RHOU: variants seen among roughly 807,000 people sequenced by gnomAD.
The protein encoded by RHOU is ras homolog family member U, also known as rho-related GTP-binding protein RhoU.
RHOU carries 8 observed loss-of-function variants against 12.6 expected under a neutral mutation model. The observed-to-expected ratio is 0.64, with a 90% confidence interval of 0.37 to 1.15. RHOU has a LOEUF of 1.15. Among genes scored for constraint, RHOU ranks in the 50% most tolerant of loss-of-function variants. The probability of loss-of-function intolerance (pLI) is 0.01; values close to 1 mark genes in which losing one functional copy is unlikely to be tolerated. For synonymous variants in RHOU, 161 were observed against 147.4 expected, an observed-to-expected ratio of 1.09 and a Z score of -0.67; for missense variants, 258 against 347.0, an observed-to-expected ratio of 0.74 and a Z score of 2.04.
the RHOU span, among the ~76,000 whole-genome samples, chr1:228,707,115 T>TATATATATATAC: frequency 1.1e-5 from 1 of 92,338 alleles, no homozygotes; most frequent in Non-Finnish European, 1.8e-5. Context: ...CATATATATA[T>TATATATATATAC]ATATATATAT....
the RHOU span, among the ~76,000 whole-genome samples, chr1:228,698,665 A>G: frequency 2.6e-5 from 4 of 152,246 alleles, no homozygotes; most frequent in Non-Finnish European, 5.9e-5. Context: ...GCCCATCCAG[A>G]AGAGTGAAGG....
the RHOU span, among the ~76,000 whole-genome samples, chr1:228,684,240 A>G: frequency 6.6e-6 from 1 of 151,966 alleles, no homozygotes; most frequent in African/African-American, 2.4e-5. Flanking sequence ...TTTCACCCTG[A>G]TGGCCAGGCT....
In RHOU at chr1:228,743,516, GA is replaced by G; in HGVS notation, c.555del (p.Glu186ArgfsTer21). ...CAAATGCAAAGAAAAGCCAGTGCCT[GA>G]AGAGGCGGCTAAGCTGTGCGCCGAG... ...LDKCKEKPVP[E>X]EAAKLCAEEI... On this transcript the variant is annotated frameshift_variant, in exon 3 of 3. Coordinates refer to ENST00000366691, the MANE Select transcript of RHOU (RefSeq NM_021205.6). LOFTEE classifies it high-confidence loss of function. The surrounding 1 kb of genome is among the most constrained non-coding windows in gnomAD (Gnocchi z 5.1). 2 of 1,614,188 alleles carry G rather than the reference GA, an allele frequency of 1.2e-6. No individual in the cohort carries two copies. The highest frequency in any genetic ancestry group is 1.7e-6 in the Non-Finnish European group (2 of 1,180,030).
chr1:228,697,227 A>C, the RHOU span, among the ~76,000 whole-genome samples: 2 of 152,228 alleles, frequency 1.3e-5, no homozygotes, highest in Non-Finnish European at 2.9e-5. Flanking sequence ...CAAAACTTTC[A>C]TATTTACTTT....
the RHOU span, among the ~76,000 whole-genome samples, chr1:228,711,213 C>T: frequency 2.0e-5 from 3 of 151,676 alleles, no homozygotes; most frequent in Non-Finnish European, 2.9e-5. Flanking sequence ...GAATCAATAT[C>T]GTGAAAATGG....
At chr1:228,704,175 C>G in the RHOU span, among the ~76,000 whole-genome samples, 4 of 152,284 alleles carry the variant, frequency 2.6e-5, no homozygotes, top group South Asian at 8.3e-4. Flanking sequence ...GAAGCCCCCA[C>G]CTCAAGTTGT....
At chr1:228,696,793 C>T in the RHOU span, among the ~76,000 whole-genome samples, 14,711 of 152,160 alleles carry the variant, frequency 0.097, 750 homozygotes, top group Middle Eastern at 0.15. Flanking sequence ...GCGATCCACC[C>T]GCCTCGACCT....
the RHOU span, among the ~76,000 whole-genome samples, chr1:228,691,964 C>A: frequency 6.6e-6 from 1 of 152,168 alleles, no homozygotes; most frequent in Non-Finnish European, 1.5e-5. Context: ...CTTAGAGTAT[C>A]CATTAAGTAC....
At chr1:228,711,444 C>T in the RHOU span, among the ~76,000 whole-genome samples, 20 of 152,256 alleles carry the variant, frequency 1.3e-4, no homozygotes, top group East Asian at 2.3e-3. Context: ...AAGCATGGTA[C>T]TGGTACCAAA....
At chr1:228,657,499 C>T in the RHOU span, among the ~76,000 whole-genome samples, 28,564 of 151,870 alleles carry the variant, frequency 0.19, 2,909 homozygotes, top group East Asian at 0.35. Flanking sequence ...TAAACATTTA[C>T]GCACCTAGTA....
At chr1:228,673,087 T>C in the RHOU span, among the ~76,000 whole-genome samples, 1 of 152,144 alleles carries the variant, frequency 6.6e-6, no homozygotes, top group Non-Finnish European at 1.5e-5. Flanking sequence ...CAAATGCAAA[T>C]GTTTTAAGCA....
At chr1:228,689,010 A>G in the RHOU span, among the ~76,000 whole-genome samples, 1 of 152,290 alleles carries the variant, frequency 6.6e-6, no homozygotes, top group Non-Finnish European at 1.5e-5. Context: ...AATGGACAGT[A>G]ATTTTAAAGT....
At chr1:228,657,873 A>G in the RHOU span, among the ~76,000 whole-genome samples, 2 of 152,316 alleles carry the variant, frequency 1.3e-5, no homozygotes, top group East Asian at 3.9e-4. Context: ...TAATAGAAGT[A>G]AAACTGATAA....
In RHOU at chr1:228,743,522, G is replaced by A; in HGVS notation, c.559G>A (p.Ala187Thr). ...CAAAGAAAAGCCAGTGCCTGAAGAG[G>A]CGGCTAAGCTGTGCGCCGAGGAAAT... ...KCKEKPVPEE[A>T]AKLCAEEIKA... Residue 187 changes from alanine (A) to threonine (T), a missense_variant, in exon 3 of 3, where the codon GCG becomes ACG. Ala to Thr is a moderately conservative substitution (Grantham distance 58). Transcript: ENST00000366691. This position sits in a 1 kb window ranked among gnomAD's most constrained non-coding sequence, Gnocchi z 5.1. The A allele has an allele frequency of 6.2e-7, 1 of 1,614,192 alleles. No individual in the cohort carries two copies. The highest frequency in any genetic ancestry group is 8.5e-7 in the Non-Finnish European group (1 of 1,180,042).
rs1467372817 is a variant in RHOU at position 228,738,517 on chromosome 1, A to G, written c.321+786A>G. On this transcript the variant is annotated intron_variant, in intron 2 of 2. Coordinates refer to ENST00000366691, the MANE Select transcript of RHOU (RefSeq NM_021205.6). The surrounding 1 kb of genome is among the most constrained non-coding windows in gnomAD (Gnocchi z 4.2). ...CTCTAGTATGTTCTAGAGTTCAGCAAAGTTCCGGGGGTACTTTGTAGGCAG... is the reference window on the plus strand; with the variant it reads ...CTCTAGTATGTTCTAGAGTTCAGCAGAGTTCCGGGGGTACTTTGTAGGCAG... Among the ~76,000 whole-genome samples, 1 of 152,140 alleles carries G rather than the reference A, an allele frequency of 6.6e-6. No homozygotes were observed. The highest frequency in any genetic ancestry group is 2.4e-5 in the African/African-American group (1 of 41,420).
At chr1:228,711,003 C>T in the RHOU span, among the ~76,000 whole-genome samples, 1 of 152,164 alleles carries the variant, frequency 6.6e-6, no homozygotes, top group East Asian at 1.9e-4. Flanking sequence ...CACAAGCATT[C>T]TTATACACCA....
chr1:228,696,111 GA>G, the RHOU span, among the ~76,000 whole-genome samples: 1 of 152,078 alleles, frequency 6.6e-6, no homozygotes, highest in East Asian at 1.9e-4. Context: ...AGAGAGTAAA[GA>G]AAGCCTGTTT....
the RHOU span, among the ~76,000 whole-genome samples, chr1:228,663,886 G>GCC: frequency 6.6e-6 from 1 of 151,090 alleles, no homozygotes; most frequent in African/African-American, 2.4e-5. Flanking sequence ...ACCCGCCTTG[G>GCC]CCTCTCAAAG....
At chr1:228,650,888 C>T in the RHOU span, 2 of 387,994 alleles carry the variant, frequency 5.2e-6, no homozygotes, top group Non-Finnish European at 1.0e-5. Flanking sequence ...CCTGCAAGAC[C>T]CACCTACATA....
Sources: allele counts gnomAD v4.1 joint callset (sites outside exome capture counted in the v4.1 genomes callset), GRCh38; gene constraint gnomAD v4.1.1; non-coding constraint Gnocchi (gnomAD v3.1); transcripts MANE v1.5; gene names NCBI Gene and HGNC (gene_info 2026-07-23, HGNC 2026-07-21).